The following RFX3 variants were observed in gnomAD, a reference collection of about 807,000 sequenced individuals.
The protein encoded by RFX3 is regulatory factor X3, also known as transcription factor RFX3.
Under a neutral mutation model 98.6 loss-of-function variants are expected in RFX3, and 14 were observed. The ratio of observed to expected loss-of-function variants is 0.14; its 90% CI spans 0.09 to 0.22. The LOEUF (loss-of-function observed/expected upper bound fraction) is 0.22, where lower values mean the gene tolerates loss of function less well. Ranked by LOEUF, RFX3 falls within the 10% of genes least tolerant of loss-of-function variation. The pLI is 1.00. For missense variants in RFX3, 639 were observed against 926.9 expected (o/e 0.69, Z 4.03); for synonymous variants, 383 against 328.4 (o/e 1.17, Z -1.80).
At chr9:3,506,286 T>C (rs929748199) in intron 1 of RFX3, among the ~76,000 whole-genome samples, 4 of 151,716 alleles carry the variant, frequency 2.6e-5, no homozygotes, top group Non-Finnish European at 5.9e-5. Context: ...TACCTTCGCA[T>C]AGTGCAACCC....
chr9:3,475,132 A>T (rs557193129), intron 1 of RFX3, among the ~76,000 whole-genome samples: 2 of 150,982 alleles, frequency 1.3e-5, no homozygotes, highest in Non-Finnish European at 3.0e-5. Flanking sequence ...AAGAAAAAGG[A>T]AGGAAGGAAG....
chr9:3,419,660 A>T (rs1204533062), intron 1 of RFX3, among the ~76,000 whole-genome samples: 1 of 152,182 alleles, frequency 6.6e-6, no homozygotes, highest in Admixed American at 6.5e-5. Flanking sequence ...TCTGCAGGGT[A>T]TTGCTTCCAG....
intron 15 of RFX3, among the ~76,000 whole-genome samples, chr9:3,231,304 T>A (rs1020086188): frequency 2.0e-5 from 3 of 152,184 alleles, no homozygotes; most frequent in African/African-American, 7.2e-5. Flanking sequence ...GGCTTTTATA[T>A]GCATTTTACA....
At chr9:3,476,459 G>A (rs1207662058) in intron 1 of RFX3, among the ~76,000 whole-genome samples, 1 of 152,094 alleles carries the variant, frequency 6.6e-6, no homozygotes, top group Non-Finnish European at 1.5e-5. Flanking sequence ...TGGACTGCTT[G>A]AAAACAGGGG....
At chr9:3,349,043 T>A (rs1205126489) in intron 2 of RFX3, among the ~76,000 whole-genome samples, 1 of 152,144 alleles carries the variant, frequency 6.6e-6, no homozygotes, top group African/African-American at 2.4e-5. Context: ...TTCTAGGTCT[T>A]TTCATTGAAC....
intron 1 of RFX3, among the ~76,000 whole-genome samples, chr9:3,521,094 T>C (rs778277792): frequency 1.3e-5 from 2 of 152,242 alleles, no homozygotes; most frequent in African/African-American, 2.4e-5. Flanking sequence ...CATATCACTA[T>C]GCCATGTAAA....
intron 2 of RFX3, among the ~76,000 whole-genome samples, chr9:3,379,879 AATTTATTTATTT>A (rs36232668): frequency 0.097 from 14,206 of 146,668 alleles, 744 homozygotes; most frequent in African/African-American, 0.13. Flanking sequence ...ACTTATGGGC[AATTTATTTATTT>A]ATTTATTTAT....
intron 3 of RFX3, chr9:3,345,019 T>A (rs7856803): frequency 0.079 from 44,731 of 568,904 alleles, 2,881 homozygotes; most frequent in African/African-American, 0.25. Flanking sequence ...TAAAACAAAA[T>A]GCCAAGTTCG....
chr9:3,304,905 G>C (rs562526111), intron 4 of RFX3, among the ~76,000 whole-genome samples: 1 of 152,162 alleles, frequency 6.6e-6, no homozygotes, highest in African/African-American at 2.4e-5. Context: ...AAGAAAATAA[G>C]AGTAGTAGTC....
At chr9:3,280,810 G>C (rs1249938210) in intron 7 of RFX3, among the ~76,000 whole-genome samples, 2 of 151,774 alleles carry the variant, frequency 1.3e-5, no homozygotes, top group Non-Finnish European at 2.9e-5. Context: ...TATTTCTTAA[G>C]TAGGTAGTAC....
chr9:3,265,040 C>T (rs1823435984), intron 12 of RFX3, among the ~76,000 whole-genome samples: 1 of 152,104 alleles, frequency 6.6e-6, no homozygotes, highest in Non-Finnish European at 1.5e-5. Context: ...TATACAACAG[C>T]ACTGCCAAAG....
intron 1 of RFX3, chr9:3,452,393 C>A (rs1192821400): frequency 3.2e-6 from 1 of 310,420 alleles, no homozygotes; most frequent in Non-Finnish European, 7.0e-6. Flanking sequence ...GAGTTCAAGT[C>A]CAGCTTGGGC....
intron 1 of RFX3, among the ~76,000 whole-genome samples, chr9:3,401,439 T>C (rs1166797366): frequency 6.6e-6 from 1 of 152,214 alleles, no homozygotes; most frequent in Non-Finnish European, 1.5e-5. Flanking sequence ...ATATTTGAGG[T>C]GTTCCCATTC....
At chr9:3,389,266 A>C (rs900793294) in intron 2 of RFX3, among the ~76,000 whole-genome samples, 2 of 152,140 alleles carry the variant, frequency 1.3e-5, no homozygotes, top group Non-Finnish European at 2.9e-5. Flanking sequence ...GTTGAGGCAT[A>C]AAATGAAAAA....
intron 1 of RFX3, among the ~76,000 whole-genome samples, chr9:3,420,534 GA>G (rs1179971109): frequency 2.1e-4 from 32 of 152,092 alleles, no homozygotes; most frequent in African/African-American, 7.7e-4. Context: ...TGCACATGAA[GA>G]AACTGAAAAA....
rs183750081 is a variant in RFX3 at position 3,463,161 on chromosome 9, G to C, written c.-9+62586C>G. 1.3e-4 allele frequency among the ~76,000 whole-genome samples: 20 copies of C among 152,084 alleles called. No individual in the cohort carries two copies. In the East Asian group the frequency reaches 3.3e-3, roughly 25 times the overall value. On this transcript the variant is annotated intron_variant, in intron 1 of 16. Transcript: ENST00000617270. ...TAAGACTTTGAGCTACAATAATCAAGAAAATAGGGTATTGTCATAAAGACA... is the reference window on the plus strand; with the variant it reads ...TAAGACTTTGAGCTACAATAATCAACAAAATAGGGTATTGTCATAAAGACA...
At chr9:3,350,520 C>G (rs1430952775) in intron 2 of RFX3, among the ~76,000 whole-genome samples, 1 of 152,024 alleles carries the variant, frequency 6.6e-6, no homozygotes, top group East Asian at 1.9e-4. Flanking sequence ...TCTAACAACA[C>G]TAAACATAAT....
At chr9:3,376,503 C>G (rs1838510300) in intron 2 of RFX3, among the ~76,000 whole-genome samples, 1 of 152,146 alleles carries the variant, frequency 6.6e-6, no homozygotes, top group Admixed American at 6.5e-5. Context: ...CACACAATAA[C>G]ATGGATGAAC....
chr9:3,286,076 T>C (rs1307818032), intron 7 of RFX3, among the ~76,000 whole-genome samples: 4 of 151,860 alleles, frequency 2.6e-5, no homozygotes, highest in Admixed American at 2.0e-4. Flanking sequence ...TTAGGTATAA[T>C]TTATTAAGTT....
Sources: allele counts gnomAD v4.1 joint callset (sites outside exome capture counted in the v4.1 genomes callset), GRCh38; gene constraint gnomAD v4.1.1; transcripts MANE v1.5; gene names NCBI Gene and HGNC (gene_info 2026-07-23, HGNC 2026-07-21).